Variants in RPS6KC1 observed in about 807,000 individuals in gnomAD.
The protein encoded by RPS6KC1 is ribosomal protein S6 kinase C1.
Under a neutral mutation model 103.8 loss-of-function variants are expected in RPS6KC1, and 54 were observed. That is an observed-to-expected ratio of 0.52 (90% confidence interval 0.42 to 0.65). The LOEUF (loss-of-function observed/expected upper bound fraction) is 0.65, where lower values mean the gene tolerates loss of function less well. RPS6KC1 is among the 30% of genes least tolerant of loss of function. RPS6KC1 has a pLI of 0.00. For missense variants in RPS6KC1, 1,151 were observed against 1,253.8 expected (o/e 0.92, Z 1.24); for synonymous variants, 439 against 438.7 (o/e 1.00, Z -0.01).
chr1:213,394,082 G>A, the RPS6KC1 span, among the ~76,000 whole-genome samples: 24 of 152,226 alleles, frequency 1.6e-4, no homozygotes, highest in South Asian at 2.5e-3. Flanking sequence ...AGGGGTGTAC[G>A]GAGGAGGCTG....
chr1:213,728,699 G>A, the RPS6KC1 span, among the ~76,000 whole-genome samples: 1 of 152,056 alleles, frequency 6.6e-6, no homozygotes, highest in African/African-American at 2.4e-5. Context: ...GAAAGAAGGA[G>A]CAGAGAACTT....
the RPS6KC1 span, among the ~76,000 whole-genome samples, chr1:213,430,939 AT>A: frequency 6.6e-6 from 1 of 151,862 alleles, no homozygotes; most frequent in Non-Finnish European, 1.5e-5. Flanking sequence ...CTGTTTTATA[AT>A]TGCCTCTGCA....
At chr1:213,507,167 C>T in the RPS6KC1 span, among the ~76,000 whole-genome samples, 1 of 152,288 alleles carries the variant, frequency 6.6e-6, no homozygotes, top group South Asian at 2.1e-4. Flanking sequence ...CAAGTACAAC[C>T]TATTCCAAGT....
intron 8 of RPS6KC1, among the ~76,000 whole-genome samples, chr1:213,176,960 G>A (rs1485135975): frequency 6.6e-6 from 1 of 152,122 alleles, no homozygotes; most frequent in Non-Finnish European, 1.5e-5. Context: ...GCATCTTGGT[G>A]GAAAAGTGAT....
chr1:213,150,822 C>T (rs1338147719), intron 6 of RPS6KC1, among the ~76,000 whole-genome samples: 7 of 151,828 alleles, frequency 4.6e-5, no homozygotes, highest in East Asian at 1.9e-4. Context: ...CTCAATGAGC[C>T]GTTGGGCACA....
chr1:213,631,305 C>T, the RPS6KC1 span, among the ~76,000 whole-genome samples: 4 of 150,280 alleles, frequency 2.7e-5, no homozygotes, highest in Non-Finnish European at 4.4e-5. Context: ...GTGTCGTTCA[C>T]GCTGGGAGCT....
At chr1:213,166,169 A>G (rs1342040553) in intron 6 of RPS6KC1, among the ~76,000 whole-genome samples, 2 of 152,140 alleles carry the variant, frequency 1.3e-5, no homozygotes, top group East Asian at 3.9e-4. Flanking sequence ...ATTAAAGCTT[A>G]AACACACTGA....
At chr1:213,275,106 A>C (rs1376696420), downstream of RPS6KC1, among the ~76,000 whole-genome samples, 2 of 152,206 alleles carry the variant, frequency 1.3e-5, no homozygotes, top group Admixed American at 6.5e-5. Flanking sequence ...AAAGTTTTCA[A>C]GGTTCGTCCA....
At chr1:213,279,318 G>T (rs1265747548), downstream of RPS6KC1, among the ~76,000 whole-genome samples, 2 of 152,112 alleles carry the variant, frequency 1.3e-5, no homozygotes, top group African/African-American at 2.4e-5. Context: ...TCTCTCAAGT[G>T]TATAGAGGTA....
the RPS6KC1 span, among the ~76,000 whole-genome samples, chr1:213,368,299 G>A: frequency 6.6e-6 from 1 of 152,176 alleles, no homozygotes; most frequent in Non-Finnish European, 1.5e-5. Context: ...ATGCTGTAGG[G>A]GTTTCCGCAG....
At chr1:213,587,300 G>A in the RPS6KC1 span, among the ~76,000 whole-genome samples, 1 of 152,182 alleles carries the variant, frequency 6.6e-6, no homozygotes. Flanking sequence ...GGATAGAGGG[G>A]AAGGCAGGGC....
At chr1:213,157,438 A>C (rs1167062896) in intron 6 of RPS6KC1, among the ~76,000 whole-genome samples, 1 of 151,958 alleles carries the variant, frequency 6.6e-6, no homozygotes, top group Non-Finnish European at 1.5e-5. Flanking sequence ...CGATCTCCTG[A>C]CCTTGTGATC....
chr1:213,567,127 A>T, the RPS6KC1 span, among the ~76,000 whole-genome samples: 1 of 152,204 alleles, frequency 6.6e-6, no homozygotes, highest in Admixed American at 6.5e-5. Flanking sequence ...TAGAATATGC[A>T]TCTACAGTAA....
chr1:213,544,115 G>C, the RPS6KC1 span, among the ~76,000 whole-genome samples: 3 of 152,134 alleles, frequency 2.0e-5, no homozygotes, highest in Admixed American at 6.5e-5. Flanking sequence ...AGAAGGAGAA[G>C]AAGAAAGAAA....
intron 2 of RPS6KC1, among the ~76,000 whole-genome samples, chr1:213,071,877 C>G (rs1405939508): frequency 6.8e-6 from 1 of 146,022 alleles, no homozygotes; most frequent in African/African-American, 2.5e-5. Flanking sequence ...ATTTTTTTTC[C>G]TTCTTTCTAT....
At chr1:213,519,033 T>G in the RPS6KC1 span, among the ~76,000 whole-genome samples, 2 of 152,186 alleles carry the variant, frequency 1.3e-5, no homozygotes, top group Admixed American at 1.3e-4. Flanking sequence ...GAATTTTATA[T>G]AACAACTACA....
the RPS6KC1 span, among the ~76,000 whole-genome samples, chr1:213,555,562 A>C: frequency 6.6e-6 from 1 of 152,116 alleles, no homozygotes. Flanking sequence ...TGATCCTCCC[A>C]TCTCTGCCTT....
the RPS6KC1 span, among the ~76,000 whole-genome samples, chr1:213,526,867 A>G: frequency 1.3e-5 from 2 of 152,224 alleles, no homozygotes; most frequent in African/African-American, 4.8e-5. Flanking sequence ...TAAAAATTGC[A>G]TTTATTTAAA....
chr1:213,638,932 TCAATTTAGGGAAAGC>T, the RPS6KC1 span, among the ~76,000 whole-genome samples: 1 of 152,062 alleles, frequency 6.6e-6, no homozygotes, highest in Non-Finnish European at 1.5e-5. Flanking sequence ...AATCTATATC[TCAATTTAGGGAAAGC>T]CAATATCTTT....
Sources: allele counts gnomAD v4.1 joint callset (sites outside exome capture counted in the v4.1 genomes callset), GRCh38; gene constraint gnomAD v4.1.1; transcripts MANE v1.5; gene names NCBI Gene and HGNC (gene_info 2026-07-23, HGNC 2026-07-21).